MAML2: variants seen among roughly 807,000 people sequenced by gnomAD.
The protein encoded by MAML2 is mastermind-like protein 2.
A neutral mutation model predicts 96.1 loss-of-function variants in MAML2; 22 were observed. The observed-to-expected ratio is 0.23, with a 90% confidence interval of 0.16 to 0.33. The LOEUF (loss-of-function observed/expected upper bound fraction) is 0.33, where lower values mean the gene tolerates loss of function less well. Ranked by LOEUF, MAML2 falls within the 10% of genes least tolerant of loss-of-function variation. MAML2 has a pLI of 1.00. For missense variants in MAML2, 1,367 were observed against 1,392.4 expected, an observed-to-expected ratio of 0.98 and a Z score of 0.29; for synonymous variants, 561 against 521.3, an observed-to-expected ratio of 1.08 and a Z score of -1.04.
Position 95,997,468 on chromosome 11 carries a change from G to A in MAML2, c.2140-5745C>T, listed in dbSNP as rs748887105. Among the ~76,000 whole-genome samples, 65 of 152,200 alleles carry A rather than the reference G, an allele frequency of 4.3e-4. 1 individual carries two copies. The highest frequency in any genetic ancestry group is 1.5e-3 in the South Asian group (7 of 4,824). ...AACATGTTTGTATTCTTTTTATAAG[G>A]TTCAATCAATCAACCTGTCTTTAGA... On this transcript the variant is annotated intron_variant, in intron 2 of 4. Coordinates refer to ENST00000524717, the MANE Select transcript of MAML2 (RefSeq NM_032427.4).
chr11:96,065,192 A>C (rs1486865922), intron 2 of MAML2, among the ~76,000 whole-genome samples: 1 of 152,226 alleles, frequency 6.6e-6, no homozygotes, highest in Non-Finnish European at 1.5e-5. Flanking sequence ...AAAAAGCTTC[A>C]AGAAAAGTTG....
intron 1 of MAML2, among the ~76,000 whole-genome samples, chr11:96,205,849 G>A (rs572649933): frequency 4.6e-5 from 7 of 152,198 alleles, no homozygotes; most frequent in African/African-American, 9.6e-5. Context: ...AAAGATTCCC[G>A]TCTGGCTTAC....
intron 2 of MAML2, among the ~76,000 whole-genome samples, chr11:96,009,702 C>A (rs189370903): frequency 6.6e-6 from 1 of 152,156 alleles, no homozygotes; most frequent in Non-Finnish European, 1.5e-5. Flanking sequence ...AGTTATTTAC[C>A]TGTAAACATT....
At chr11:96,041,542 G>C (rs1221002620) in intron 2 of MAML2, among the ~76,000 whole-genome samples, 1 of 147,360 alleles carries the variant, frequency 6.8e-6, no homozygotes, top group Non-Finnish European at 1.5e-5. Context: ...AGGAGGAAGG[G>C]AAAGAAAGAA....
chr11:95,986,953 C>T (rs1453206755), intron 3 of MAML2, among the ~76,000 whole-genome samples: 1 of 152,160 alleles, frequency 6.6e-6, no homozygotes, highest in Non-Finnish European at 1.5e-5. Context: ...CCACTAGGAA[C>T]ACAGCTGTTG....
At chr11:96,069,669 C>T (rs1859308921) in intron 2 of MAML2, among the ~76,000 whole-genome samples, 1 of 151,586 alleles carries the variant, frequency 6.6e-6, no homozygotes, top group African/African-American at 2.4e-5. Flanking sequence ...AGAATGAGTC[C>T]CTATCTCAAA....
chr11:96,270,248 T>C (rs1379099958), intron 1 of MAML2, among the ~76,000 whole-genome samples: 3 of 152,210 alleles, frequency 2.0e-5, no homozygotes, highest in Non-Finnish European at 4.4e-5. Context: ...TGCTGGAGTC[T>C]CTACCAGATA....
At chr11:96,182,518 G>C (rs1861502541) in intron 1 of MAML2, among the ~76,000 whole-genome samples, 1 of 152,020 alleles carries the variant, frequency 6.6e-6, no homozygotes, top group Non-Finnish European at 1.5e-5. Context: ...TAGAATTAAA[G>C]CACAAAGGCA....
chr11:96,217,309 A>G (rs1208071057), intron 1 of MAML2, among the ~76,000 whole-genome samples: 1 of 152,242 alleles, frequency 6.6e-6, no homozygotes. Context: ...GCGCAAATGC[A>G]CTGTCCATCT....
At chr11:96,299,063 ATAT>A (rs1863349946) in intron 1 of MAML2, among the ~76,000 whole-genome samples, 1 of 125,252 alleles carries the variant, frequency 8.0e-6, no homozygotes, top group Non-Finnish European at 1.7e-5. Flanking sequence ...AAAAAAAAAT[ATAT>A]ATATATATAT....
At chr11:96,019,518 T>A (rs1223137318) in intron 2 of MAML2, among the ~76,000 whole-genome samples, 1 of 151,978 alleles carries the variant, frequency 6.6e-6, no homozygotes. Flanking sequence ...AGAGCCATAA[T>A]ATGGAAAATT....
intron 1 of MAML2, among the ~76,000 whole-genome samples, chr11:96,326,759 TGTCA>T (rs752252014): frequency 3.6e-4 from 55 of 151,360 alleles, no homozygotes; most frequent in Non-Finnish European, 7.4e-4. Flanking sequence ...AGCAAAAGTC[TGTCA>T]AAGTAAATAA....
chr11:96,324,709 G>T (rs1863750950), intron 1 of MAML2, among the ~76,000 whole-genome samples: 1 of 152,110 alleles, frequency 6.6e-6, no homozygotes, highest in African/African-American at 2.4e-5. Flanking sequence ...GAATCTGAAT[G>T]GATTCAAAAT....
At chr11:96,183,766 G>T (rs550979016) in intron 1 of MAML2, among the ~76,000 whole-genome samples, 1 of 152,190 alleles carries the variant, frequency 6.6e-6, no homozygotes, top group African/African-American at 2.4e-5. Context: ...CTGCAAAATT[G>T]TGAAGAAATT....
At chr11:96,201,679 G>T (rs1040341851) in intron 1 of MAML2, among the ~76,000 whole-genome samples, 3 of 152,282 alleles carry the variant, frequency 2.0e-5, no homozygotes, top group African/African-American at 7.2e-5. Context: ...CAGCACTTTG[G>T]GAGGCCAAGG....
chr11:95,991,136 T>A (rs1378529477), intron 3 of MAML2, among the ~76,000 whole-genome samples: 1 of 152,232 alleles, frequency 6.6e-6, no homozygotes, highest in East Asian at 1.9e-4. Context: ...TTAAAATTGC[T>A]TTTGAAACTC....
intron 1 of MAML2, among the ~76,000 whole-genome samples, chr11:96,199,396 T>G (rs1209186309): frequency 1.3e-5 from 2 of 152,128 alleles, no homozygotes; most frequent in Non-Finnish European, 2.9e-5. Context: ...CTGGTTTACC[T>G]ACTCTGGGAC....
chr11:96,071,459 C>T (rs1321815741), intron 2 of MAML2, among the ~76,000 whole-genome samples: 1 of 152,248 alleles, frequency 6.6e-6, no homozygotes, highest in African/African-American at 2.4e-5. Context: ...GGCCAGTCGG[C>T]CCACAGTGTA....
At chr11:96,022,544 A>G (rs968756551) in intron 2 of MAML2, among the ~76,000 whole-genome samples, 10 of 152,172 alleles carry the variant, frequency 6.6e-5, no homozygotes, top group African/African-American at 2.4e-4. Context: ...CATATGTGAC[A>G]GTGGTTGGAT....
Sources: gnomAD v4.1 joint callset for allele counts (sites outside exome capture counted in the v4.1 genomes callset) on GRCh38, gnomAD v4.1.1 for gene constraint, MANE v1.5 for transcripts, NCBI Gene and HGNC (gene_info 2026-07-23, HGNC 2026-07-21) for gene names.